Variants in FPR3 observed in about 807,000 individuals in gnomAD.
FPR3 encodes N-formyl peptide receptor 3.
For synonymous variants in FPR3, 135 were observed against 163.6 expected (o/e 0.83, Z 1.34); for missense variants, 346 against 443.2 (o/e 0.78, Z 1.97).
intron 1 of FPR3, among the ~76,000 whole-genome samples, chr19:51,808,549 T>G (rs1345376186): frequency 2.0e-5 from 3 of 152,236 alleles, no homozygotes; most frequent in African/African-American, 4.8e-5. Flanking sequence ...CTGTTAAGCA[T>G]GCCTTGGGGT....
chr19:51,796,457 A>C (rs1292865617), intron 1 of FPR3, among the ~76,000 whole-genome samples: 2 of 152,172 alleles, frequency 1.3e-5, no homozygotes, highest in Non-Finnish European at 2.9e-5. Context: ...ATCTTATTGG[A>C]CCTTTTTAAA....
chr19:51,803,822 C>T (rs1028508530), intron 1 of FPR3: 4 of 152,172 alleles, frequency 2.6e-5, no homozygotes, highest in Non-Finnish European at 5.9e-5. Flanking sequence ...TGGTTAATTG[C>T]AGTAGAACAG....
rs142320718 is a variant in FPR3, at chr19:51,817,978, CT to C, written c.-10-5751del. 3.0e-4 allele frequency: 44 copies of C among 148,216 alleles called. No individual in the cohort carries two copies. In the East Asian group the frequency reaches 3.0e-3, roughly 10 times the overall value. 9.2% of individuals were successfully genotyped at this position (148,216 alleles called of 1,614,324 possible). ...TTTTGTTTTGTTTTGTTTTTTCAGT[CT>C]TTTTTTTTTCTTTTTTCTTTTCTTT... is the stretch of plus-strand genomic sequence containing the variant. On this transcript the variant is annotated intron_variant, in intron 1 of 1. Coordinates refer to ENST00000339223, the MANE Select transcript of FPR3 (RefSeq NM_002030.5).
rs987078190 is a variant in FPR3 at position 51,825,868 on chromosome 19, GA to G, written c.*1059del. ...AGTACAAGAGAAGAGACAAAGTGGG[GA>G]TATTTGTAAGGCTTAGATGAGATAG... On this transcript the variant is annotated 3_prime_UTR_variant, in exon 2 of 2. Transcript: ENST00000339223. 1 of 167,064 alleles carries G rather than the reference GA, an allele frequency of 6.0e-6. No individual in the cohort carries two copies. Among genetic ancestry groups the G allele is most frequent in the Admixed American group, 6.5e-5 (1 of 15,280 alleles). 10.3% of individuals were successfully genotyped at this position (167,064 alleles called of 1,614,324 possible). A position where few individuals can be genotyped will look rare whatever the true frequency, so the allele number is the denominator to read the frequency against.
Position 51,798,973 on chromosome 19 carries a change from G to A in FPR3, c.-11+3642G>A, listed in dbSNP as rs570912698. Reference sequence around the variant, plus strand: ...CTACTAAAAATACAAAAAATTAGCCGGGCGTGGTGGTGGTGCCCAGCTACT... The same window carrying A: ...CTACTAAAAATACAAAAAATTAGCCAGGCGTGGTGGTGGTGCCCAGCTACT... On this transcript the variant is annotated intron_variant, in intron 1 of 1. Coordinates refer to ENST00000339223, the MANE Select transcript of FPR3 (RefSeq NM_002030.5). Among the ~76,000 whole-genome samples, 12 of 152,182 alleles carry A rather than the reference G, an allele frequency of 7.9e-5. No individual in the cohort carries two copies. In the South Asian group the frequency reaches 1.2e-3, roughly 16 times the overall value.
At chr19:51,814,006 C>T (rs1293587324) in intron 1 of FPR3, among the ~76,000 whole-genome samples, 2 of 152,198 alleles carry the variant, frequency 1.3e-5, no homozygotes, top group Non-Finnish European at 2.9e-5. Flanking sequence ...GATGGTGAAG[C>T]AAAGGGCTTA....
At position 51,826,091 on chromosome 19, in the gene FPR3, ATAT is replaced by A. The variant is rs1311251921; in HGVS notation, c.*1286_*1288del. ...AGTTTCTGTAAATATTAACGTGATC[ATAT>A]TATTTTTATTCTTTCATTTACATAA... On this transcript the variant is annotated 3_prime_UTR_variant, in exon 2 of 2. Coordinates refer to ENST00000339223, the MANE Select transcript of FPR3 (RefSeq NM_002030.5). 3 of 157,072 alleles carry A rather than the reference ATAT, an allele frequency of 1.9e-5. No individual in the cohort carries two copies. The highest frequency in any genetic ancestry group is 7.2e-5 in the African/African-American group (3 of 41,434). 9.7% of individuals were successfully genotyped at this position (157,072 alleles called of 1,614,324 possible).
chr19:51,808,712 C>T lies in FPR3; in HGVS notation c.-11+13381C>T, dbSNP rs568644461. 5.9e-5 allele frequency among the ~76,000 whole-genome samples: 9 copies of T among 152,284 alleles called. No homozygotes were observed. In the East Asian group the frequency reaches 1.5e-3, roughly 26 times the overall value. On this transcript the variant is annotated intron_variant, in intron 1 of 1. Transcript: ENST00000339223. Reference sequence around the variant, plus strand: ...CAAGAGGCCAGTCTCTTGGAATAGCCGCTGGAGATGGTGAAAGTTTTTGTA... The same window carrying T: ...CAAGAGGCCAGTCTCTTGGAATAGCTGCTGGAGATGGTGAAAGTTTTTGTA...
intron 1 of FPR3, among the ~76,000 whole-genome samples, chr19:51,808,630 G>C (rs1187540165): frequency 6.6e-6 from 1 of 152,136 alleles, no homozygotes; most frequent in African/African-American, 2.4e-5. Context: ...GCAAATCAAG[G>C]CTTATCCTTC....
intron 1 of FPR3, among the ~76,000 whole-genome samples, chr19:51,807,786 A>G (rs531363948): frequency 5.3e-5 from 8 of 152,370 alleles, no homozygotes; most frequent in Non-Finnish European, 7.3e-5. Flanking sequence ...GGCAGTCGAC[A>G]TTTCCCAAGC....
rs376143153 is a variant in FPR3, at chr19:51,824,616, T to C, written c.868T>C (p.Leu290=). The change falls in exon 2 of 2, where the codon TTG becomes CTG. Residue 290 remains leucine, a synonymous_variant. Coordinates refer to ENST00000339223, the MANE Select transcript of FPR3 (RefSeq NM_002030.5). This position sits in a 1 kb window ranked among gnomAD's most constrained non-coding sequence, Gnocchi z 4.7. ...TGTCCTGATTAACCCAACAAGCTCC[T>C]TGGCCTTTTTTAACAGCTGCCTCAA... is the stretch of plus-strand genomic sequence containing the variant. ...ILVLINPTSS[L]AFFNSCLNPI... is the part of the protein sequence containing the mutation. The C allele has an allele frequency of 1.5e-5, 25 of 1,614,180 alleles. No homozygotes were observed. Among genetic ancestry groups the C allele is most frequent in the Non-Finnish European group, 2.0e-5 (24 of 1,180,016 alleles).
intron 1 of FPR3, among the ~76,000 whole-genome samples, chr19:51,806,715 T>C (rs902918333): frequency 1.3e-5 from 2 of 152,224 alleles, no homozygotes; most frequent in Non-Finnish European, 2.9e-5. Context: ...GGTATTCCCA[T>C]ATGAGCAAAT....
intron 1 of FPR3, chr19:51,804,701 A>C (rs1318581140): frequency 6.6e-6 from 1 of 152,148 alleles, no homozygotes; most frequent in Non-Finnish European, 1.5e-5. Flanking sequence ...GGATCTATCG[A>C]GCACCCGATT....
chr19:51,815,756 G>C (rs1286520884), intron 1 of FPR3, among the ~76,000 whole-genome samples: 2 of 151,824 alleles, frequency 1.3e-5, no homozygotes, highest in African/African-American at 4.8e-5. Context: ...CACTACTTAG[G>C]AGGCTGAGGC....
chr19:51,804,881 C>G (rs2084047539), intron 1 of FPR3: 1 of 152,138 alleles, frequency 6.6e-6, no homozygotes, highest in African/African-American at 2.4e-5. Context: ...ACACGGCCCT[C>G]TGTATTTATT....
chr19:51,796,197 AAG>A (rs1463820699), intron 1 of FPR3, among the ~76,000 whole-genome samples: 1 of 152,212 alleles, frequency 6.6e-6, no homozygotes, highest in Non-Finnish European at 1.5e-5. Context: ...CAGGAAGCTC[AAG>A]ACGAAGAGCA....
At chr19:51,802,277 C>G (rs1466191533) in intron 1 of FPR3, among the ~76,000 whole-genome samples, 1 of 152,070 alleles carries the variant, frequency 6.6e-6, no homozygotes, top group Admixed American at 6.6e-5. Context: ...GCTGCCTCAG[C>G]TCTTCAGCCC....
At chr19:51,814,090 T>C (rs1268045365) in intron 1 of FPR3, among the ~76,000 whole-genome samples, 5 of 152,220 alleles carry the variant, frequency 3.3e-5, no homozygotes, top group Non-Finnish European at 5.9e-5. Context: ...AATTCCTTCT[T>C]GGTTTATGTG....
In FPR3 at chr19:51,825,923, C is replaced by A. The variant is rs929669795; in HGVS notation, c.*1113C>A. ...TTTTTTAGAAAAAAACTTTATCTTACCATTAAGTAAAATGTTTGCCATAGG... is the reference window on the plus strand; with the variant it reads ...TTTTTTAGAAAAAAACTTTATCTTAACATTAAGTAAAATGTTTGCCATAGG... On this transcript the variant is annotated 3_prime_UTR_variant, in exon 2 of 2. Transcript: ENST00000339223. 1 of 167,008 alleles carries A rather than the reference C, an allele frequency of 6.0e-6. No homozygotes were observed. Among genetic ancestry groups the A allele is most frequent in the Non-Finnish European group, 1.5e-5 (1 of 68,110 alleles). 10.3% of individuals were successfully genotyped at this position (167,008 alleles called of 1,614,324 possible). A position where few individuals can be genotyped will look rare whatever the true frequency, so the allele number is the denominator to read the frequency against.
Sources: allele counts gnomAD v4.1 joint callset (sites outside exome capture counted in the v4.1 genomes callset), GRCh38; gene constraint gnomAD v4.1.1; non-coding constraint Gnocchi (gnomAD v3.1); transcripts MANE v1.5; gene names NCBI Gene and HGNC (gene_info 2026-07-23, HGNC 2026-07-21).